Variants in RELN observed in about 807,000 individuals in gnomAD.
The protein encoded by RELN is reelin.
RELN carries 108 observed loss-of-function variants against 427.6 expected under a neutral mutation model. The ratio of observed to expected loss-of-function variants is 0.25; its 90% CI spans 0.22 to 0.30. The LOEUF (loss-of-function observed/expected upper bound fraction) is 0.30, where lower values mean the gene tolerates loss of function less well. RELN is among the 10% of genes least tolerant of loss of function. The pLI is 1.00. For synonymous variants in RELN, 1,524 were observed against 1,513.4 expected (o/e 1.01, Z -0.16); for missense variants, 3,715 against 4,302.8 (o/e 0.86, Z 3.82).
chr7:103,924,001 G>A (rs1346920160), intron 1 of RELN, among the ~76,000 whole-genome samples: 1 of 152,136 alleles, frequency 6.6e-6, no homozygotes, highest in Non-Finnish European at 1.5e-5. Flanking sequence ...AACAAAGAGG[G>A]GAGGGCTAAG....
Position 103,974,097 on chromosome 7 carries a change from G to A in RELN, c.226+15034C>T, listed in dbSNP as rs576367046. ...GGTGGAGGTTGAGGTGAGCCGAGAC[G>A]GTGCCACTGCACTCCAGCCTGGGCA... is the stretch of plus-strand genomic sequence containing the variant. On this transcript the variant is annotated intron_variant, in intron 1 of 64. Transcript: ENST00000428762. Among the ~76,000 whole-genome samples, 3 of 152,068 alleles carry A rather than the reference G, an allele frequency of 2.0e-5. No homozygotes were observed. In the South Asian group the frequency reaches 6.2e-4, roughly 32 times the overall value.
At chr7:103,952,460 T>TC (rs1477914445) in intron 1 of RELN, among the ~76,000 whole-genome samples, 1 of 152,194 alleles carries the variant, frequency 6.6e-6, no homozygotes, top group African/African-American at 2.4e-5. Context: ...ATTTCCAGTT[T>TC]CAAACTAAAA....
At chr7:103,580,997 G>T (rs1200946134) in intron 28 of RELN, among the ~76,000 whole-genome samples, 1 of 152,182 alleles carries the variant, frequency 6.6e-6, no homozygotes, top group African/African-American at 2.4e-5. Flanking sequence ...GAGGTGAAGA[G>T]TACAAGGGGT....
chr7:103,947,931 TC>T (rs2116754831), intron 1 of RELN, among the ~76,000 whole-genome samples: 1 of 152,348 alleles, frequency 6.6e-6, no homozygotes, highest in African/African-American at 2.4e-5. Flanking sequence ...CATGAAATGA[TC>T]TTTTTCCTTT....
Position 103,723,040 on chromosome 7 carries a change from T to C in RELN, c.805+100A>G, listed in dbSNP as rs141889778. The C allele has an allele frequency of 1.1e-3, 830 of 749,058 alleles. 3 individuals are homozygous for C. The African/African-American group carries it at 0.013, about 12-fold the overall frequency. The allele number at this position is 749,058 out of a possible 1,614,324, so 46.4% of individuals were successfully genotyped here. ...ACTGCAAAATTAAGACTTACTATTC[T>C]GTAAATCCAAAAGCATCTGGCATTA... On this transcript the variant is annotated intron_variant, in intron 8 of 64. Coordinates refer to ENST00000428762, the MANE Select transcript of RELN (RefSeq NM_005045.4).
intron 41 of RELN, among the ~76,000 whole-genome samples, chr7:103,547,368 C>T (rs542155745): frequency 6.6e-6 from 1 of 152,296 alleles, no homozygotes; most frequent in East Asian, 1.9e-4. Context: ...ACGATCTTGG[C>T]TCACTGCAAC....
In RELN at chr7:103,539,166, G is replaced by A. The variant is rs1161199450; in HGVS notation, c.7092C>T (p.Tyr2364=). The change falls in exon 45 of 65, where the codon TAC becomes TAT. Residue 2364 remains tyrosine, a synonymous_variant. Coordinates refer to ENST00000428762, the MANE Select transcript of RELN (RefSeq NM_005045.4). ...LVFIEKASTR[Y]VVSTDVAVNE... is the part of the protein sequence containing the mutation. ...TCACGGCAACGTCTGTGCTGACCACGTAACGGGTGCTGGCCTTTTCAATGA... is the reference window on the plus strand; with the variant it reads ...TCACGGCAACGTCTGTGCTGACCACATAACGGGTGCTGGCCTTTTCAATGA... 5 of 1,614,236 alleles carry A rather than the reference G, an allele frequency of 3.1e-6. No homozygotes were observed. The highest frequency in any genetic ancestry group is 4.5e-5 in the East Asian group (2 of 44,878).
chr7:103,591,008 G>T (rs1416359807), intron 27 of RELN, among the ~76,000 whole-genome samples: 2 of 152,190 alleles, frequency 1.3e-5, no homozygotes, highest in African/African-American at 4.8e-5. Context: ...CTAGTTATCT[G>T]TGCTCATTTT....
intron 20 of RELN, among the ~76,000 whole-genome samples, chr7:103,618,065 T>TA (rs1706275129): frequency 6.6e-6 from 1 of 152,190 alleles, no homozygotes; most frequent in Admixed American, 6.5e-5. Flanking sequence ...GTGAGCCAAA[T>TA]AAACCTCTTT....
intron 3 of RELN, among the ~76,000 whole-genome samples, chr7:103,799,499 C>T (rs951712059): frequency 6.6e-6 from 1 of 152,198 alleles, no homozygotes; most frequent in Non-Finnish European, 1.5e-5. Flanking sequence ...CTAACCTAAC[C>T]ATCTCCTACC....
intron 3 of RELN, among the ~76,000 whole-genome samples, chr7:103,783,165 T>TTTC (rs1554418449): frequency 9.7e-4 from 9 of 9,294 alleles, no homozygotes; most frequent in East Asian, 0.022. Context: ...TCTTTCTTTC[T>TTTC]TTTTTTTTTT....
chr7:103,635,063 G>A (rs1429822888), intron 19 of RELN, among the ~76,000 whole-genome samples: 1 of 151,928 alleles, frequency 6.6e-6, no homozygotes, highest in Non-Finnish European at 1.5e-5. Context: ...GTTTCACCAT[G>A]TTGACCAGGA....
chr7:103,662,681 T>C lies in RELN; in HGVS notation c.1290-1154A>G, dbSNP rs539364905. Among the ~76,000 whole-genome samples the C allele has an allele frequency of 9.8e-4, 140 of 143,430 alleles. 1 individual carries two copies. The highest frequency in any genetic ancestry group is 3.3e-3 in the African/African-American group (127 of 38,694). The allele number at this position is 143,430 out of a possible 152,430, so 94.1% of individuals were successfully genotyped here. On this transcript the variant is annotated intron_variant, in intron 11 of 64. Transcript: ENST00000428762. ...ACACTATTAACAGTGCAGAAATCAA[T>C]AGACCTTGGTGGAGGATGTGTGTTA... is the stretch of plus-strand genomic sequence containing the variant.
chr7:103,670,069 T>C (rs1397372169), intron 11 of RELN, among the ~76,000 whole-genome samples: 1 of 152,170 alleles, frequency 6.6e-6, no homozygotes, highest in Non-Finnish European at 1.5e-5. Context: ...AAAAGAGTAA[T>C]ATTTTTGTAA....
intron 50 of RELN, among the ~76,000 whole-genome samples, chr7:103,511,972 T>C (rs1829432207): frequency 6.6e-6 from 1 of 152,204 alleles, no homozygotes; most frequent in Admixed American, 6.5e-5. Flanking sequence ...TTGTATTCTT[T>C]TGTGTGTGTG....
At chr7:103,879,507 T>C (rs1005902886) in intron 2 of RELN, among the ~76,000 whole-genome samples, 8 of 152,200 alleles carry the variant, frequency 5.3e-5, no homozygotes, top group Non-Finnish European at 8.8e-5. Context: ...ATATTCAGTC[T>C]TCCTAATGCC....
At chr7:103,974,842 C>T (rs1252410241) in intron 1 of RELN, among the ~76,000 whole-genome samples, 1 of 152,184 alleles carries the variant, frequency 6.6e-6, no homozygotes, top group African/African-American at 2.4e-5. Context: ...ACTAGCTACC[C>T]ATTCATCAAG....
At chr7:103,942,671 T>C (rs1192402372) in intron 1 of RELN, among the ~76,000 whole-genome samples, 1 of 152,146 alleles carries the variant, frequency 6.6e-6, no homozygotes, top group Non-Finnish European at 1.5e-5. Context: ...CCCAGGACTT[T>C]GGGAGGCCAA....
intron 24 of RELN, among the ~76,000 whole-genome samples, chr7:103,599,418 AT>A (rs1409358137): frequency 6.6e-6 from 1 of 152,160 alleles, no homozygotes; most frequent in African/African-American, 2.4e-5. Flanking sequence ...ATTTAGTCAT[AT>A]GATCACTTAT....
Sources: allele counts gnomAD v4.1 joint callset (sites outside exome capture counted in the v4.1 genomes callset), GRCh38; gene constraint gnomAD v4.1.1; transcripts MANE v1.5; gene names NCBI Gene and HGNC (gene_info 2026-07-23, HGNC 2026-07-21).